PDCD1: variants seen among roughly 807,000 people sequenced by gnomAD.
PDCD1 encodes programmed cell death 1.
Under a neutral mutation model 23.6 loss-of-function variants are expected in PDCD1, and 10 were observed. The ratio of observed to expected loss-of-function variants is 0.42; its 90% CI spans 0.26 to 0.72. The LOEUF (loss-of-function observed/expected upper bound fraction) is 0.72. PDCD1 is among the 30% of genes least tolerant of loss of function. The probability of loss-of-function intolerance (pLI) is 0.24; values close to 1 mark genes in which losing one functional copy is unlikely to be tolerated. For synonymous variants in PDCD1, 168 were observed against 169.3 expected, an observed-to-expected ratio of 0.99 and a Z score of 0.06; for missense variants, 313 against 397.8, an observed-to-expected ratio of 0.79 and a Z score of 1.81.
intron 1 of PDCD1, among the ~76,000 whole-genome samples, chr2:241,856,118 AC>A (rs1184813238): frequency 6.6e-6 from 1 of 151,230 alleles, no homozygotes; most frequent in East Asian, 1.9e-4. Context: ...TGGCCACAAA[AC>A]CCCCCAGCCA....
Position 241,850,897 on chromosome 2 carries a change from G to A in PDCD1, c.*161C>T. 1 of 832,782 alleles carries A rather than the reference G, an allele frequency of 1.2e-6. No homozygotes were observed. The allele number at this position is 832,782 out of a possible 1,614,324, so 51.6% of individuals were successfully genotyped here. ...GAGACATGAGTCCTGTGGTGGGGCT[G>A]TGCCTGGTGCAGGTGCAGGCTGGAG... On this transcript the variant is annotated 3_prime_UTR_variant, in exon 5 of 5. Coordinates refer to ENST00000334409, the MANE Select transcript of PDCD1 (RefSeq NM_005018.3).
chr2:241,857,758 A>G (rs374378123), intron 1 of PDCD1, among the ~76,000 whole-genome samples: 5 of 152,306 alleles, frequency 3.3e-5, no homozygotes, highest in African/African-American at 9.6e-5. Context: ...GTGAAGGGGC[A>G]CCAGGACCCC....
intron 1 of PDCD1, among the ~76,000 whole-genome samples, chr2:241,856,367 G>A (rs1276804935): frequency 6.6e-6 from 1 of 152,252 alleles, no homozygotes; most frequent in Non-Finnish European, 1.5e-5. Context: ...GGTCGGCGGA[G>A]CTTTGTCATG....
chr2:241,851,055 C>A lies in PDCD1; in HGVS notation c.*3G>T, dbSNP rs770917505. On this transcript the variant is annotated 3_prime_UTR_variant, in exon 5 of 5. Coordinates refer to ENST00000334409, the MANE Select transcript of PDCD1 (RefSeq NM_005018.3). ...GCAGAACACTGGTGGCCAAGGAAGC[C>A]GGTCAGAGGGGCCAAGAGCAGTGTC... The A allele has an allele frequency of 6.2e-7, 1 of 1,606,544 alleles. No homozygotes were observed. The highest frequency in any genetic ancestry group is 8.5e-7 in the Non-Finnish European group (1 of 1,176,036).
intron 1 of PDCD1, among the ~76,000 whole-genome samples, chr2:241,858,012 G>A (rs1327661129): frequency 3.9e-5 from 6 of 152,142 alleles, no homozygotes; most frequent in Non-Finnish European, 8.8e-5. Context: ...GAGGGCCCAG[G>A]GTCACGGGCA....
chr2:241,853,786 G>T (rs1041415737), intron 1 of PDCD1, among the ~76,000 whole-genome samples: 1 of 152,272 alleles, frequency 6.6e-6, no homozygotes, highest in Non-Finnish European at 1.5e-5. Context: ...GAGATGCCAT[G>T]CAACGGGGTG....
chr2:241,850,904 G>T lies in PDCD1; in HGVS notation c.*154C>A. Reference sequence around the variant, plus strand: ...GAGTCCTGTGGTGGGGCTGTGCCTGGTGCAGGTGCAGGCTGGAGCCCCGGT... The same window carrying T: ...GAGTCCTGTGGTGGGGCTGTGCCTGTTGCAGGTGCAGGCTGGAGCCCCGGT... On this transcript the variant is annotated 3_prime_UTR_variant, in exon 5 of 5. Coordinates refer to ENST00000334409, the MANE Select transcript of PDCD1 (RefSeq NM_005018.3). 1 of 883,116 alleles carries T rather than the reference G, an allele frequency of 1.1e-6. No individual in the cohort carries two copies. The highest frequency in any genetic ancestry group is 1.7e-6 in the Non-Finnish European group (1 of 585,584). 54.7% of individuals were successfully genotyped at this position (883,116 alleles called of 1,614,324 possible).
At position 241,852,254 on chromosome 2, in the gene PDCD1, C is replaced by T. The variant is rs2124859119; in HGVS notation, c.536G>A (p.Gly179Asp). 3 of 1,611,312 alleles carry T rather than the reference C, an allele frequency of 1.9e-6. No homozygotes were observed. The highest frequency in any genetic ancestry group is 8.5e-7 in the Non-Finnish European group (1 of 1,179,464). ...GACCCAGACTAGCAGCACCAGGCTGCCCAGCAGGCCGCCCACGACACCAAC... is the reference window on the plus strand; with the variant it reads ...GACCCAGACTAGCAGCACCAGGCTGTCCAGCAGGCCGCCCACGACACCAAC... ...LVVGVVGGLL[G>D]SLVLLVWVLA... Residue 179 changes from glycine to aspartate, a missense_variant, in exon 3 of 5, where the codon GGC becomes GAC. Gly to Asp is a moderately conservative substitution (Grantham distance 94). This residue lies in a region of PDCD1 where 158 missense variants were observed against 177.5 expected (regional missense o/e 0.89). Coordinates refer to ENST00000334409, the MANE Select transcript of PDCD1 (RefSeq NM_005018.3).
chr2:241,855,428 G>A (rs1701001431), intron 1 of PDCD1, among the ~76,000 whole-genome samples: 1 of 152,194 alleles, frequency 6.6e-6, no homozygotes, highest in South Asian at 2.1e-4. Flanking sequence ...ATTCAGAAGT[G>A]ACCACTGGCT....
In PDCD1 at chr2:241,857,325, G is replaced by A. The variant is rs41534648; in HGVS notation, c.76+1438C>T. ...GGGGAAACCGAGGCATGCCACCTGTGAGAGTCTTGTCCGGCACAAGCGCGG... is the reference window on the plus strand; with the variant it reads ...GGGGAAACCGAGGCATGCCACCTGTAAGAGTCTTGTCCGGCACAAGCGCGG... On this transcript the variant is annotated intron_variant, in intron 1 of 4. Transcript: ENST00000334409. Among the ~76,000 whole-genome samples, 431 of 152,360 alleles carry A rather than the reference G, an allele frequency of 2.8e-3. 1 individual carries two copies. Among genetic ancestry groups the A allele is most frequent in the African/African-American group, 9.9e-3 (411 of 41,584 alleles).
rs774678035 is a variant in PDCD1, at chr2:241,851,318, G to A, written c.628-21C>T. 16 of 1,588,498 alleles carry A rather than the reference G, an allele frequency of 1.0e-5. No homozygotes were observed. In the Admixed American group the frequency reaches 2.8e-4, roughly 27 times the overall value. The stretch of plus-strand genomic sequence containing the variant: ...TCCTTCTTTGAGGAGAAAGGGAGAG[G>A]GAGTCAGCCCCACGGCCCACCGCAG... On this transcript the variant is annotated intron_variant, in intron 4 of 4. Transcript: ENST00000334409.
intron 1 of PDCD1, among the ~76,000 whole-genome samples, chr2:241,856,465 G>A (rs6758577): frequency 2.0e-5 from 3 of 151,886 alleles, no homozygotes; most frequent in African/African-American, 7.2e-5. Context: ...GTTTTTAAAC[G>A]TTTTTGTATA....
intron 1 of PDCD1, among the ~76,000 whole-genome samples, chr2:241,855,756 G>C (rs41518047): frequency 0.011 from 1,696 of 152,340 alleles, 28 homozygotes; most frequent in African/African-American, 0.039. Flanking sequence ...TTAGGGACAA[G>C]GAAACCGTCC....
chr2:241,856,501 C>A (rs1458631444), intron 1 of PDCD1, among the ~76,000 whole-genome samples: 17 of 152,196 alleles, frequency 1.1e-4, no homozygotes, highest in Admixed American at 6.5e-4. Context: ...CGTTTAAAAT[C>A]TGACTTCAAA....
chr2:241,855,836 C>T (rs907181224), intron 1 of PDCD1, among the ~76,000 whole-genome samples: 1 of 152,142 alleles, frequency 6.6e-6, no homozygotes, highest in African/African-American at 2.4e-5. Flanking sequence ...GGAGTGAGGT[C>T]TTCCAACTCC....
intron 1 of PDCD1, 54 bp from the exon 2 acceptor site, chr2:241,853,034 C>T (rs749930411): frequency 1.5e-4 from 234 of 1,514,298 alleles, no homozygotes; most frequent in Non-Finnish European, 1.8e-4. Flanking sequence ...AAAGCCTCCC[C>T]GGCCACCTGC....
intron 1 of PDCD1, among the ~76,000 whole-genome samples, chr2:241,856,488 G>C (rs1701031357): frequency 1.3e-5 from 2 of 152,218 alleles, no homozygotes. Context: ...TTTCAAAATA[G>C]TCCGTTTAAA....
intron 1 of PDCD1, 102 bp downstream of exon 1, chr2:241,858,660 AG>A: frequency 1.0e-6 from 1 of 996,908 alleles, no homozygotes; most frequent in Non-Finnish European, 1.5e-6. Flanking sequence ...CTGGGCTGCC[AG>A]GGCCAGGCCC....
chr2:241,858,669 C>T (rs757099036), intron 1 of PDCD1, 94 bp downstream of exon 1: 10 of 1,106,436 alleles, frequency 9.0e-6, no homozygotes, highest in Non-Finnish European at 1.2e-5. Flanking sequence ...CAGGGCCAGG[C>T]CCGCCTCAGC....
Sources: allele counts gnomAD v4.1 joint callset (sites outside exome capture counted in the v4.1 genomes callset), GRCh38; gene constraint gnomAD v4.1.1; regional missense constraint gnomAD v4.1.1; transcripts MANE v1.5; gene names NCBI Gene and HGNC (gene_info 2026-07-23, HGNC 2026-07-21).